TRAPPC9: variants seen among roughly 807,000 people sequenced by gnomAD.
The protein encoded by TRAPPC9 is trafficking protein particle complex subunit 9, also known as IKK2 binding protein.
A neutral mutation model predicts 124.0 loss-of-function variants in TRAPPC9; 83 were observed. The observed-to-expected ratio is 0.67, with a 90% CI of 0.56 to 0.80. The LOEUF (loss-of-function observed/expected upper bound fraction) is 0.80, where lower values mean the gene tolerates loss of function less well. Ranked by LOEUF, TRAPPC9 falls within the 30% of genes least tolerant of loss-of-function variation. The probability of loss-of-function intolerance (pLI) is 0.00; values close to 1 mark genes in which losing one functional copy is unlikely to be tolerated. For synonymous variants in TRAPPC9, 638 were observed against 617.5 expected (o/e 1.03, Z -0.49); for missense variants, 1,302 against 1,508.3 (o/e 0.86, Z 2.27).
At chr8:140,195,410 T>C (rs2062624812) in intron 17 of TRAPPC9, among the ~76,000 whole-genome samples, 1 of 151,870 alleles carries the variant, frequency 6.6e-6, no homozygotes, top group Admixed American at 6.5e-5. Flanking sequence ...ATTGTACAGA[T>C]CGCATCTGTG....
At chr8:140,351,362 C>T (rs1168629030) in intron 9 of TRAPPC9, among the ~76,000 whole-genome samples, 2 of 144,890 alleles carry the variant, frequency 1.4e-5, no homozygotes, top group African/African-American at 5.0e-5. Context: ...TGCATCTGTG[C>T]TGAACGTGTG....
In TRAPPC9 at chr8:140,370,849, A is replaced by G. The variant is rs1324465848; in HGVS notation, c.1351+115T>C. 8 of 1,175,192 alleles carry G rather than the reference A, an allele frequency of 6.8e-6. No individual in the cohort carries two copies. The African/African-American group carries it at 1.2e-4, about 18-fold the overall frequency. The allele number at this position is 1,175,192 out of a possible 1,614,324, so 72.8% of individuals were successfully genotyped here. ...CCAACTCCAGGGCAGGGATCTAGTCATTCTGGAGCCACCAGCACCAACCAC... is the reference window on the plus strand; with the variant it reads ...CCAACTCCAGGGCAGGGATCTAGTCGTTCTGGAGCCACCAGCACCAACCAC... On this transcript the variant is annotated intron_variant, in intron 8 of 22. Coordinates refer to ENST00000438773, the MANE Select transcript of TRAPPC9 (RefSeq NM_001160372.4).
intron 21 of TRAPPC9, among the ~76,000 whole-genome samples, chr8:139,786,357 C>T (rs932014999): frequency 1.3e-5 from 2 of 152,150 alleles, no homozygotes; most frequent in African/African-American, 4.8e-5. Context: ...CACAGCGAGA[C>T]GCGAATTCAC....
chr8:140,443,904 C>T (rs1053069563), intron 2 of TRAPPC9, among the ~76,000 whole-genome samples: 2 of 151,516 alleles, frequency 1.3e-5, no homozygotes, highest in Middle Eastern at 3.4e-3. Flanking sequence ...GGCGTGGTGG[C>T]GGGCTCCTGT....
At chr8:140,145,999 T>C (rs189725191) in intron 17 of TRAPPC9, among the ~76,000 whole-genome samples, 111 of 152,344 alleles carry the variant, frequency 7.3e-4, no homozygotes, top group African/African-American at 2.5e-3. Context: ...CTCTCCTGTT[T>C]TCATACTTTC....
chr8:139,846,761 G>A (rs1330808546), intron 21 of TRAPPC9, among the ~76,000 whole-genome samples: 1 of 152,140 alleles, frequency 6.6e-6, no homozygotes, highest in South Asian at 2.1e-4. Context: ...CCCTCATCCA[G>A]TCCCTGCTGT....
chr8:140,022,355 C>T (rs138433436), intron 18 of TRAPPC9, among the ~76,000 whole-genome samples: 14 of 152,138 alleles, frequency 9.2e-5, no homozygotes, highest in Admixed American at 7.9e-4. Flanking sequence ...AAAAGAACCA[C>T]GGAAACCAAA....
At chr8:140,329,290 G>C (rs1026304493) in intron 9 of TRAPPC9, among the ~76,000 whole-genome samples, 1 of 152,126 alleles carries the variant, frequency 6.6e-6, no homozygotes, top group Admixed American at 6.5e-5. Flanking sequence ...GGATATGAGA[G>C]AAACATCTGT....
At chr8:140,093,388 C>T (rs1299745024) in intron 17 of TRAPPC9, among the ~76,000 whole-genome samples, 9 of 152,158 alleles carry the variant, frequency 5.9e-5, no homozygotes, top group Admixed American at 5.9e-4. Context: ...AGGCTTCAGG[C>T]CAGTTGCGGT....
intron 19 of TRAPPC9, among the ~76,000 whole-genome samples, chr8:139,952,070 T>A (rs2131511545): frequency 6.6e-6 from 1 of 152,332 alleles, no homozygotes; most frequent in African/African-American, 2.4e-5. Context: ...TCCTCAAGCT[T>A]AAAAGCTGAA....
rs1386270607 is a variant in TRAPPC9 at position 139,825,756 on chromosome 8, G to A, written c.3055+60123C>T. The stretch of plus-strand genomic sequence containing the variant: ...AGCCAGCTTGCCCGGAAGGAAAAAG[G>A]GAGGCAATTCCGAAGAGCAGACGAG... On this transcript the variant is annotated intron_variant, in intron 21 of 22. Transcript: ENST00000438773. This position sits in a 1 kb window ranked among gnomAD's most constrained non-coding sequence, Gnocchi z 4.6. Among the ~76,000 whole-genome samples the A allele has an allele frequency of 2.0e-5, 3 of 152,116 alleles. No individual in the cohort carries two copies. Among genetic ancestry groups the A allele is most frequent in the Admixed American group, 6.5e-5 (1 of 15,268 alleles).
intron 11 of TRAPPC9, among the ~76,000 whole-genome samples, chr8:140,292,526 T>G (rs1001372960): frequency 3.3e-4 from 50 of 152,172 alleles, no homozygotes; most frequent in African/African-American, 1.2e-3. Context: ...GATACAGCTT[T>G]TCCCACACAC....
rs1392991238 is a variant in TRAPPC9, at chr8:139,831,696, T to TG, written c.3055+54182dup. 3.9e-5 allele frequency among the ~76,000 whole-genome samples: 6 copies of TG among 152,130 alleles called. No individual in the cohort carries two copies. In the East Asian group the frequency reaches 5.8e-4, roughly 15 times the overall value. ...CCACCCCTCACTGAGCCCCACTGGA[T>TG]GGGGGGTCAGGTATCATGTGAGAGG... On this transcript the variant is annotated intron_variant, in intron 21 of 22. Coordinates refer to ENST00000438773, the MANE Select transcript of TRAPPC9 (RefSeq NM_001160372.4).
At chr8:139,877,662 C>T (rs1829408793) in intron 21 of TRAPPC9, among the ~76,000 whole-genome samples, 1 of 152,154 alleles carries the variant, frequency 6.6e-6, no homozygotes. Context: ...CGTAGTCTGG[C>T]ATCAGCACCC....
At chr8:139,906,301 T>C (rs1831360699) in intron 20 of TRAPPC9, among the ~76,000 whole-genome samples, 1 of 152,088 alleles carries the variant, frequency 6.6e-6, no homozygotes, top group Non-Finnish European at 1.5e-5. Flanking sequence ...GACATGATCC[T>C]AGGTGTCTTC....
At chr8:140,326,953 C>CA (rs1441361593) in intron 9 of TRAPPC9, among the ~76,000 whole-genome samples, 2 of 151,948 alleles carry the variant, frequency 1.3e-5, no homozygotes, top group Non-Finnish European at 2.9e-5. Flanking sequence ...CATAGTGATG[C>CA]AAAAAACAAT....
chr8:140,335,748 C>T (rs574382171), intron 9 of TRAPPC9, among the ~76,000 whole-genome samples: 3 of 142,402 alleles, frequency 2.1e-5, no homozygotes, highest in African/African-American at 5.3e-5. Flanking sequence ...GCTTTGTCAC[C>T]CAGGCTGGAG....
chr8:140,290,870 G>T, intron 12 of TRAPPC9, 123 bp downstream of exon 12: 1 of 803,138 alleles, frequency 1.2e-6, no homozygotes, highest in Non-Finnish European at 2.2e-6. Flanking sequence ...TATATGCTTT[G>T]GCAAAACAAA....
At chr8:140,455,517 G>A (rs900400357) in intron 1 of TRAPPC9, among the ~76,000 whole-genome samples, 3 of 151,788 alleles carry the variant, frequency 2.0e-5, no homozygotes, top group African/African-American at 4.8e-5. Flanking sequence ...TGCAAACTCC[G>A]CCTCCCAGGT....
Sources: allele counts gnomAD v4.1 joint callset (sites outside exome capture counted in the v4.1 genomes callset), GRCh38; gene constraint gnomAD v4.1.1; non-coding constraint Gnocchi (gnomAD v3.1); transcripts MANE v1.5; gene names NCBI Gene and HGNC (gene_info 2026-07-23, HGNC 2026-07-21).